Variants in WWOX observed in about 807,000 individuals in gnomAD.
The protein encoded by WWOX is WW domain containing oxidoreductase.
A neutral mutation model predicts 46.2 loss-of-function variants in WWOX; 69 were observed. That is an observed-to-expected ratio of 1.49 (90% CI 1.23 to 1.82). The LOEUF (loss-of-function observed/expected upper bound fraction) is 1.82, where lower values mean the gene tolerates loss of function less well. WWOX is among the 40% of genes most tolerant of loss of function. WWOX has a pLI of 0.00. For synonymous variants in WWOX, 359 were observed against 202.6 expected (o/e 1.77, Z -6.56); for missense variants, 919 against 542.6 (o/e 1.69, Z -6.89).
chr16:78,376,588 A>G (rs1295236014), intron 5 of WWOX, among the ~76,000 whole-genome samples: 1 of 152,202 alleles, frequency 6.6e-6, no homozygotes, highest in African/African-American at 2.4e-5. Flanking sequence ...AACCACACGC[A>G]GGCATCCTCG....
chr16:78,414,699 G>A (rs1296283614), intron 6 of WWOX, among the ~76,000 whole-genome samples: 1 of 152,176 alleles, frequency 6.6e-6, no homozygotes, highest in African/African-American at 2.4e-5. Flanking sequence ...AATAACGGCT[G>A]GTAATTATTT....
chr16:78,150,973 G>T (rs186651231), intron 4 of WWOX, among the ~76,000 whole-genome samples: 193 of 152,112 alleles, frequency 1.3e-3, no homozygotes, highest in Non-Finnish European at 1.6e-3. Flanking sequence ...CAACTTCTGG[G>T]CTCAAGTGAT....
intron 5 of WWOX, among the ~76,000 whole-genome samples, chr16:78,386,034 G>T (rs909747097): frequency 1.2e-4 from 19 of 152,190 alleles, no homozygotes; most frequent in African/African-American, 4.1e-4. Context: ...TTCAAATCCC[G>T]ACCTCTCCAG....
intron 8 of WWOX, among the ~76,000 whole-genome samples, chr16:78,668,024 A>G (rs2047373128): frequency 6.6e-6 from 1 of 151,968 alleles, no homozygotes; most frequent in South Asian, 2.1e-4. Flanking sequence ...CACACCTGTA[A>G]TCTTAGCATT....
At chr16:78,570,550 G>A (rs889456582) in intron 8 of WWOX, among the ~76,000 whole-genome samples, 2 of 152,020 alleles carry the variant, frequency 1.3e-5, no homozygotes, top group Non-Finnish European at 2.9e-5. Context: ...CTGGACTCAA[G>A]TGATCCTCCC....
chr16:78,897,585 T>C (rs927050659), intron 8 of WWOX: 2 of 152,220 alleles, frequency 1.3e-5, no homozygotes, highest in Non-Finnish European at 2.9e-5. Flanking sequence ...TTGATGAGCA[T>C]TGGGTTGTTT....
In WWOX at chr16:78,568,051, C is replaced by T. The variant is rs569792461; in HGVS notation, c.1056+135299C>T. ...GCGGCAGGAGTCTTTGTCTCATTTA[C>T]ACACAGTGCCTGCGAGAGACTCTTA... On this transcript the variant is annotated intron_variant, in intron 8 of 8. Coordinates refer to ENST00000566780, the MANE Select transcript of WWOX (RefSeq NM_016373.4). Among the ~76,000 whole-genome samples, 8 of 152,304 alleles carry T rather than the reference C, an allele frequency of 5.3e-5. No homozygotes were observed. The South Asian group carries it at 1.7e-3, about 32-fold the overall frequency.
chr16:78,616,423 C>T (rs1011379855), intron 8 of WWOX, among the ~76,000 whole-genome samples: 1 of 151,832 alleles, frequency 6.6e-6, no homozygotes, highest in African/African-American at 2.4e-5. Flanking sequence ...GTCCATCTTG[C>T]TATTTTCTCA....
At chr16:78,214,151 C>T (rs779677990) in intron 5 of WWOX, among the ~76,000 whole-genome samples, 1 of 152,120 alleles carries the variant, frequency 6.6e-6, no homozygotes, top group Non-Finnish European at 1.5e-5. Context: ...TGCAGACTGA[C>T]CCCCTGGACC....
rs34068363 is a variant in WWOX, at chr16:78,557,689, A to ATTTTTTTTT, written c.1056+124952_1056+124960dup. 2.8e-3 allele frequency among the ~76,000 whole-genome samples: 267 copies of ATTTTTTTTT among 96,602 alleles called. 32 individuals are homozygous for ATTTTTTTTT. The highest frequency in any genetic ancestry group is 8.2e-3 in the African/African-American group (157 of 19,178). The allele number at this position is 96,602 out of a possible 152,430, so 63.4% of individuals were successfully genotyped here. A position where few individuals can be genotyped will look rare whatever the true frequency, so the allele number is the denominator to read the frequency against. ...CATAAGTGCATTCCTCTAGGGAAGG[A>ATTTTTTTTT]TTTTTTTTTTTTTTTTTTTTTTTGA... is the stretch of plus-strand genomic sequence containing the variant. On this transcript the variant is annotated intron_variant, in intron 8 of 8. Coordinates refer to ENST00000566780, the MANE Select transcript of WWOX (RefSeq NM_016373.4).
chr16:78,369,377 C>T (rs979584706), intron 5 of WWOX, among the ~76,000 whole-genome samples: 7 of 152,154 alleles, frequency 4.6e-5, no homozygotes, highest in African/African-American at 1.7e-4. Flanking sequence ...GAAATGCTTT[C>T]CATTTAGCTT....
At chr16:78,908,057 G>A (rs1053924283) in intron 8 of WWOX, among the ~76,000 whole-genome samples, 9 of 152,138 alleles carry the variant, frequency 5.9e-5, no homozygotes, top group South Asian at 2.1e-4. Flanking sequence ...CCGTATGAAA[G>A]TTTATAGTTC....
chr16:78,356,071 T>TTAAAAAA (rs2081280147), intron 5 of WWOX, among the ~76,000 whole-genome samples: 2 of 76,124 alleles, frequency 2.6e-5, no homozygotes, highest in Non-Finnish European at 5.1e-5. Flanking sequence ...TTTTTTTTCC[T>TTAAAAAA]AAAAAAAAAA....
chr16:79,129,428 G>T (rs2049829861), intron 8 of WWOX, among the ~76,000 whole-genome samples: 1 of 148,328 alleles, frequency 6.7e-6, no homozygotes, highest in Non-Finnish European at 1.5e-5. Context: ...AAACACGGGA[G>T]AAAAACCACT....
intron 5 of WWOX, among the ~76,000 whole-genome samples, chr16:78,351,256 G>A (rs2081178700): frequency 6.6e-6 from 1 of 152,186 alleles, no homozygotes; most frequent in African/African-American, 2.4e-5. Flanking sequence ...ATATAGAGAG[G>A]CTAAATTATA....
At position 78,879,659 on chromosome 16, in the gene WWOX, C is replaced by T. The variant is rs146219996; in HGVS notation, c.1057-331949C>T. On this transcript the variant is annotated intron_variant, in intron 8 of 8. Transcript: ENST00000566780. ...TTGGGAGGCCGAGGCAGGCGGATCACCTAAGGTCGGGAGTTCGAGACCAGT... is the reference window on the plus strand; with the variant it reads ...TTGGGAGGCCGAGGCAGGCGGATCATCTAAGGTCGGGAGTTCGAGACCAGT... Among the ~76,000 whole-genome samples, 1,016 of 152,254 alleles carry T rather than the reference C, an allele frequency of 6.7e-3. 7 individuals are homozygous for T. The highest frequency in any genetic ancestry group is 0.023 in the African/African-American group (945 of 41,546).
intron 8 of WWOX, among the ~76,000 whole-genome samples, chr16:78,671,456 C>A (rs970648189): frequency 6.6e-6 from 1 of 152,164 alleles, no homozygotes; most frequent in African/African-American, 2.4e-5. Flanking sequence ...AAATAAATTT[C>A]TATTGTTTTA....
chr16:78,753,138 T>C (rs1282665747), intron 8 of WWOX, among the ~76,000 whole-genome samples: 2 of 151,858 alleles, frequency 1.3e-5, no homozygotes, highest in South Asian at 2.1e-4. Flanking sequence ...CTACTAATAA[T>C]ACAAAAACAA....
In WWOX at chr16:78,592,345, C is replaced by G. The variant is rs377003408; in HGVS notation, c.1056+159593C>G. Among the ~76,000 whole-genome samples the G allele has an allele frequency of 9.2e-5, 14 of 152,316 alleles. 1 individual carries two copies. The East Asian group carries it at 1.2e-3, about 13-fold the overall frequency. On this transcript the variant is annotated intron_variant, in intron 8 of 8. Coordinates refer to ENST00000566780, the MANE Select transcript of WWOX (RefSeq NM_016373.4). ...GCTAGCATGATAACAAATAAACATT[C>G]AAGCAGTCACTTAATGATATTGAAT...
Sources: allele counts gnomAD v4.1 joint callset (sites outside exome capture counted in the v4.1 genomes callset), GRCh38; gene constraint gnomAD v4.1.1; transcripts MANE v1.5; gene names NCBI Gene and HGNC (gene_info 2026-07-23, HGNC 2026-07-21).